Variants in DMD observed in about 807,000 individuals in gnomAD.
DMD encodes the protein dystrophin.
DMD carries 63 observed loss-of-function variants against 330.1 expected under a neutral mutation model. That is an observed-to-expected ratio of 0.19 (90% confidence interval 0.16 to 0.24). DMD has a LOEUF of 0.24. Among genes scored for constraint, DMD ranks in the 10% least tolerant of loss-of-function variants. The probability of loss-of-function intolerance (pLI) is 1.00; values close to 1 mark genes in which losing one functional copy is unlikely to be tolerated. For synonymous variants in DMD, 1,223 were observed against 959.8 expected (o/e 1.27, Z -5.07); for missense variants, 3,344 against 2,684.1 (o/e 1.25, Z -5.43).
At chrX:31,197,393 C>A (rs770553496) in intron 67 of DMD, among the ~76,000 whole-genome samples, 29 of 112,330 alleles carry the variant, frequency 2.6e-4, no homozygotes, top group Non-Finnish European at 4.9e-4. Context: ...AACAATAATA[C>A]ATTGTATATT....
At chrX:32,609,505 C>T (rs759322845) in intron 12 of DMD, among the ~76,000 whole-genome samples, 18 of 110,949 alleles carry the variant, frequency 1.6e-4, no homozygotes, top group Non-Finnish European at 3.2e-4. Context: ...TCACAGCACC[C>T]ATGTGCTATA....
chrX:31,947,666 T>G (rs2095106040), intron 45 of DMD, among the ~76,000 whole-genome samples: 1 of 111,521 alleles, frequency 9.0e-6, no homozygotes, highest in African/African-American at 3.3e-5. Context: ...ACTCATAACA[T>G]TTTCAATTTA....
At chrX:32,438,972 T>G (rs1020476804) in intron 28 of DMD, among the ~76,000 whole-genome samples, 2 of 111,293 alleles carry the variant, frequency 1.8e-5, no homozygotes, top group African/African-American at 6.5e-5. Context: ...AAAAGATCAT[T>G]TTGTGAGCTT....
chrX:31,160,086 T>G (rs764891130), intron 74 of DMD, among the ~76,000 whole-genome samples: 13 of 111,858 alleles, frequency 1.2e-4, no homozygotes, highest in African/African-American at 4.2e-4. Context: ...GTAATTGTGA[T>G]GAAGCTAAAG....
At chrX:31,557,213 G>C (rs1170428047) in intron 55 of DMD, among the ~76,000 whole-genome samples, 2 of 111,876 alleles carry the variant, frequency 1.8e-5, no homozygotes, top group Non-Finnish European at 3.8e-5. Flanking sequence ...AAAGAGCACA[G>C]AGAAAGCCAA....
At chrX:31,710,342 A>G (rs1290654717) in intron 52 of DMD, among the ~76,000 whole-genome samples, 1 of 111,726 alleles carries the variant, frequency 9.0e-6, no homozygotes, top group African/African-American at 3.2e-5. Flanking sequence ...GGTTGGGGGA[A>G]AACCTCTTGC....
At chrX:31,505,782 T>C (rs1425918275) in intron 56 of DMD, among the ~76,000 whole-genome samples, 4 of 110,942 alleles carry the variant, frequency 3.6e-5, no homozygotes, top group African/African-American at 1.3e-4. Context: ...TACAGGCGCG[T>C]GCCACCATGC....
chrX:32,317,483 CTTTTCA>C (rs2097586653), intron 41 of DMD, among the ~76,000 whole-genome samples: 1 of 111,267 alleles, frequency 9.0e-6, no homozygotes, highest in Non-Finnish European at 1.9e-5. Flanking sequence ...TTATCACATT[CTTTTCA>C]TTACATAAAA....
chrX:33,189,257 C>A (rs2050410741), intron 1 of DMD, among the ~76,000 whole-genome samples: 1 of 111,147 alleles, frequency 9.0e-6, no homozygotes, highest in African/African-American at 3.3e-5. Context: ...AAGCATTAAC[C>A]AAATAACTTT....
chrX:32,467,688 T>C (rs1215046196), intron 23 of DMD, among the ~76,000 whole-genome samples: 2 of 106,101 alleles, frequency 1.9e-5, no homozygotes, highest in Non-Finnish European at 3.8e-5. Flanking sequence ...TGTGTGTATA[T>C]ATATACATAT....
intron 44 of DMD, among the ~76,000 whole-genome samples, chrX:32,063,423 G>C (rs2096241514): frequency 1.8e-5 from 2 of 110,876 alleles, no homozygotes; most frequent in African/African-American, 6.5e-5. Context: ...TCGTTGCTAA[G>C]ACTTTAGAGC....
At chrX:31,185,858 T>G (rs1327362206) in intron 67 of DMD, among the ~76,000 whole-genome samples, 3 of 111,627 alleles carry the variant, frequency 2.7e-5, no homozygotes, top group Non-Finnish European at 5.6e-5. Context: ...ATAAAAGTGC[T>G]TTCTCCAGAG....
chrX:32,931,692 C>A (rs2089610929), intron 2 of DMD, among the ~76,000 whole-genome samples: 1 of 111,651 alleles, frequency 9.0e-6, no homozygotes, highest in South Asian at 3.7e-4. Flanking sequence ...TGATTTGTCA[C>A]ATTATCAAAC....
At chrX:32,711,316 C>A (rs2065168444) in intron 7 of DMD, among the ~76,000 whole-genome samples, 1 of 111,065 alleles carries the variant, frequency 9.0e-6, no homozygotes, top group Non-Finnish European at 1.9e-5. Context: ...GCCTGTCTTT[C>A]CTGATGACCA....
rs5927855 is a variant in DMD, at chrX:31,774,442, G to A, written c.7310-250C>T. Among the ~76,000 whole-genome samples, 15,465 of 110,825 alleles carry A rather than the reference G, an allele frequency of 0.14. 867 individuals carry two copies. Among genetic ancestry groups the A allele is most frequent in the East Asian group, 0.25 (884 of 3,517 alleles). ...TACATTTAACAATTTTTTAAAAAAC[G>A]ATTTTGCTCATTCTCATGCCTGGAC... On this transcript the variant is annotated intron_variant, in intron 50 of 78. Transcript: ENST00000357033.
intron 3 of DMD, among the ~76,000 whole-genome samples, chrX:32,846,966 C>T (rs2080739966): frequency 9.1e-6 from 1 of 109,415 alleles, no homozygotes; most frequent in South Asian, 3.9e-4. Flanking sequence ...AAGATCATGT[C>T]GCTGACTCCA....
At chrX:33,265,321 T>C (rs1422315521) in intron 1 of DMD, among the ~76,000 whole-genome samples, 2 of 110,969 alleles carry the variant, frequency 1.8e-5, no homozygotes, top group Non-Finnish European at 3.8e-5. Flanking sequence ...TCTCCAAAAG[T>C]CAAAAGATGC....
chrX:31,700,079 G>A (rs1421654687), intron 52 of DMD, among the ~76,000 whole-genome samples: 2 of 109,051 alleles, frequency 1.8e-5, no homozygotes, highest in Admixed American at 9.8e-5. Flanking sequence ...CCAGCTACTC[G>A]GGAGGCTGAG....
At position 31,857,604 on chromosome X, in the gene DMD, G is replaced by T. The variant is rs777351949; in HGVS notation, c.7098+17584C>A. 2.0e-4 allele frequency among the ~76,000 whole-genome samples: 22 copies of T among 109,202 alleles called. 1 individual carries two copies. The Admixed American group carries it at 2.2e-3, about 11-fold the overall frequency. The allele number at this position is 109,202 out of a possible 115,157, so 94.8% of individuals were successfully genotyped here. On this transcript the variant is annotated intron_variant, in intron 48 of 78. Coordinates refer to ENST00000357033, the MANE Select transcript of DMD (RefSeq NM_004006.3). ...GCCAAATATTCATTGTGTCAAGGGG[G>T]TCACCAAAGTGTTCAGAATTTGGAA...
Sources: allele counts gnomAD v4.1 joint callset (sites outside exome capture counted in the v4.1 genomes callset), GRCh38; gene constraint gnomAD v4.1.1; transcripts MANE v1.5; gene names NCBI Gene and HGNC (gene_info 2026-07-23, HGNC 2026-07-21).